SUMO2: variants seen among roughly 807,000 people sequenced by gnomAD.
SUMO2 encodes small ubiquitin-related modifier 2.
Under a neutral mutation model 16.0 loss-of-function variants are expected in SUMO2, and 1 was observed. The observed-to-expected ratio is 0.06, with a 90% confidence interval of 0.02 to 0.30. The LOEUF (loss-of-function observed/expected upper bound fraction) is 0.30. Among genes scored for constraint, SUMO2 ranks in the 10% least tolerant of loss-of-function variants. The pLI is 1.00. For synonymous variants in SUMO2, 36 were observed against 40.6 expected (o/e 0.89, Z 0.43); for missense variants, 16 against 117.5 (o/e 0.14, Z 3.99).
intron 2 of SUMO2, among the ~76,000 whole-genome samples, chr17:75,179,952 AG>A (rs2074814091): frequency 1.3e-5 from 2 of 152,142 alleles, no homozygotes; most frequent in African/African-American, 4.8e-5. Context: ...GCCTAAAGGA[AG>A]TTTTTATCTT....
intron 3 of SUMO2, among the ~76,000 whole-genome samples, chr17:75,173,797 G>C (rs935883366): frequency 6.6e-6 from 1 of 152,028 alleles, no homozygotes; most frequent in African/African-American, 2.4e-5. Flanking sequence ...CACCCTGCTA[G>C]GACAAAACTG....
At chr17:75,180,273 C>A (rs1024689917) in intron 2 of SUMO2, among the ~76,000 whole-genome samples, 1 of 151,560 alleles carries the variant, frequency 6.6e-6, no homozygotes, top group African/African-American at 2.4e-5. Context: ...AAGATTGCAC[C>A]ACTGCACTCC....
intron 3 of SUMO2, 28 bp downstream of exon 3, chr17:75,174,724 T>C: frequency 1.3e-6 from 2 of 1,598,922 alleles, no homozygotes; most frequent in South Asian, 1.1e-5. Flanking sequence ...CAAATGGTAA[T>C]TTTTCTAATT....
At chr17:75,176,033 G>A (rs933612912) in intron 2 of SUMO2, among the ~76,000 whole-genome samples, 1 of 151,490 alleles carries the variant, frequency 6.6e-6, no homozygotes, top group Non-Finnish European at 1.5e-5. Context: ...AAATGAGTTA[G>A]ACAAGGAAAT....
intron 2 of SUMO2, among the ~76,000 whole-genome samples, chr17:75,177,988 C>CTA (rs755871175): frequency 1.5e-5 from 1 of 66,400 alleles, no homozygotes; most frequent in Non-Finnish European, 2.5e-5. Flanking sequence ...GACTCCGTCT[C>CTA]AAAAAAAAAA....
chr17:75,179,991 C>T (rs2074814378), intron 2 of SUMO2, among the ~76,000 whole-genome samples: 1 of 152,096 alleles, frequency 6.6e-6, no homozygotes, highest in Non-Finnish European at 1.5e-5. Flanking sequence ...TAAACTCAAA[C>T]TCAATTTCCC....
At chr17:75,182,009 C>T (rs1373012447) in intron 1 of SUMO2, among the ~76,000 whole-genome samples, 1 of 151,970 alleles carries the variant, frequency 6.6e-6, no homozygotes, top group East Asian at 1.9e-4. Context: ...AGCAGCAAGT[C>T]CCGTGTGCCC....
chr17:75,181,308 C>T, intron 1 of SUMO2, 120 bp from the exon 2 acceptor site: 2 of 1,002,204 alleles, frequency 2.0e-6, no homozygotes, highest in Non-Finnish European at 1.5e-6. Flanking sequence ...TATGCTAAAA[C>T]GGCATACTGC....
chr17:75,170,399 G>A (rs2074727938), intron 3 of SUMO2, among the ~76,000 whole-genome samples: 1 of 151,020 alleles, frequency 6.6e-6, no homozygotes, highest in Non-Finnish European at 1.5e-5. Flanking sequence ...GTGAAACCCT[G>A]TTTCTACCAA....
At chr17:75,172,553 CT>C (rs1419191386) in intron 3 of SUMO2, among the ~76,000 whole-genome samples, 1 of 149,998 alleles carries the variant, frequency 6.7e-6, no homozygotes, top group African/African-American at 2.5e-5. Context: ...TGATCTCCGG[CT>C]CACTGCAACC....
intron 3 of SUMO2, among the ~76,000 whole-genome samples, chr17:75,168,766 C>T (rs2074712495): frequency 6.6e-6 from 1 of 152,078 alleles, no homozygotes; most frequent in Non-Finnish European, 1.5e-5. Context: ...CCATGCCCAG[C>T]TAATTTTTTT....
chr17:75,181,395 A>G (rs1359300633), intron 1 of SUMO2, among the ~76,000 whole-genome samples: 1 of 152,164 alleles, frequency 6.6e-6, no homozygotes, highest in African/African-American at 2.4e-5. Context: ...CAGATACGGA[A>G]AAGCCTACAT....
intron 3 of SUMO2, among the ~76,000 whole-genome samples, chr17:75,170,169 T>A (rs923578304): frequency 4.6e-5 from 7 of 151,548 alleles, no homozygotes; most frequent in African/African-American, 1.7e-4. Flanking sequence ...CTCAAAAAAA[T>A]TAAATAAATG....
intron 2 of SUMO2, 82 bp downstream of exon 2, chr17:75,180,975 G>GCTAGT (rs549068765): frequency 8.5e-6 from 13 of 1,532,936 alleles, no homozygotes; most frequent in Non-Finnish European, 1.2e-5. Context: ...ACTGTAATGT[G>GCTAGT]CTAGTCTAGT....
intron 1 of SUMO2, 103 bp from the exon 2 acceptor site, chr17:75,181,291 C>T (rs2074826596): frequency 8.1e-7 from 1 of 1,230,924 alleles, no homozygotes; most frequent in Non-Finnish European, 1.1e-6. Flanking sequence ...ACAGGTTTCT[C>T]ATACTGTATG....
chr17:75,178,343 G>A (rs777718501), intron 2 of SUMO2, among the ~76,000 whole-genome samples: 2 of 151,466 alleles, frequency 1.3e-5, no homozygotes, highest in Admixed American at 6.6e-5. Context: ...GTGAAACCCC[G>A]TCTCTACAAA....
intron 1 of SUMO2, 104 bp from the exon 2 acceptor site, chr17:75,181,292 A>C: frequency 8.2e-7 from 1 of 1,224,198 alleles, no homozygotes. Flanking sequence ...CAGGTTTCTC[A>C]TACTGTATGC....
chr17:75,181,264 A>G lies in SUMO2; in HGVS notation c.22-76T>C, dbSNP rs2074826426. 3 of 1,481,456 alleles carry G rather than the reference A, an allele frequency of 2.0e-6. No individual in the cohort carries two copies. The Admixed American group carries it at 6.2e-5, about 30-fold the overall frequency. The allele number at this position is 1,481,456 out of a possible 1,614,324, so 91.8% of individuals were successfully genotyped here. A position where few individuals can be genotyped will look rare whatever the true frequency, so the allele number is the denominator to read the frequency against. ...CGTTTTATAAAGCAGCAGCAGCCCT[A>G]GTTGCTTCAAAAATCAACAGGTTTC... On this transcript the variant is annotated intron_variant, in intron 1 of 3. Coordinates refer to ENST00000420826, the MANE Select transcript of SUMO2 (RefSeq NM_006937.4).
chr17:75,182,864 C>T lies in SUMO2; in HGVS notation c.-30G>A, dbSNP rs767154641. On this transcript the variant is annotated 5_prime_UTR_variant, in exon 1 of 4. Coordinates refer to ENST00000420826, the MANE Select transcript of SUMO2 (RefSeq NM_006937.4). ...AGCGCCGGAGTCTCCTCAGCTGCCG[C>T]TTCACAAAAGAGGTACCAGGTCCGC... is the stretch of plus-strand genomic sequence containing the variant. 3.0e-5 allele frequency: 42 copies of T among 1,387,720 alleles called. No individual in the cohort carries two copies. In the Middle Eastern group the frequency reaches 8.2e-4, roughly 27 times the overall value. 86.0% of individuals were successfully genotyped at this position (1,387,720 alleles called of 1,614,324 possible).
Sources: allele counts gnomAD v4.1 joint callset (sites outside exome capture counted in the v4.1 genomes callset), GRCh38; gene constraint gnomAD v4.1.1; transcripts MANE v1.5; gene names NCBI Gene and HGNC (gene_info 2026-07-23, HGNC 2026-07-21).